CCDC63: variants seen among roughly 807,000 people sequenced by gnomAD.
CCDC63 encodes coiled-coil domain-containing protein 63.
Under a neutral mutation model 63.6 loss-of-function variants are expected in CCDC63, and 54 were observed. That is an observed-to-expected ratio of 0.85 (90% CI 0.68 to 1.07). The LOEUF is 1.07. CCDC63 is among the 50% of genes least tolerant of loss of function. CCDC63 has a pLI of 0.00. For synonymous variants in CCDC63, 253 were observed against 266.1 expected, an observed-to-expected ratio of 0.95 and a Z score of 0.48; for missense variants, 637 against 689.6, an observed-to-expected ratio of 0.92 and a Z score of 0.86.
Position 110,849,437 on chromosome 12 carries a change from A to G in CCDC63, c.-97+2332A>G, listed in dbSNP as rs1288044197. On this transcript the variant is annotated intron_variant, in intron 1 of 11. Transcript: ENST00000308208. ...GAGGGTTGCCACTGAACCATCATGC[A>G]TGCCTTCACAATAATTTCTAAAAGC... is the stretch of plus-strand genomic sequence containing the variant. 2.6e-5 allele frequency among the ~76,000 whole-genome samples: 4 copies of G among 151,130 alleles called. No individual in the cohort carries two copies. In the East Asian group the frequency reaches 5.8e-4, roughly 22 times the overall value.
intron 4 of CCDC63, among the ~76,000 whole-genome samples, chr12:110,862,219 G>A (rs1006318488): frequency 2.0e-5 from 3 of 152,218 alleles, no homozygotes; most frequent in African/African-American, 4.8e-5. Flanking sequence ...GCAACACAGC[G>A]TGGGGTCCTC....
intron 10 of CCDC63, 83 bp from the exon 11 acceptor site, chr12:110,904,505 C>T (rs942520934): frequency 8.4e-7 from 1 of 1,193,010 alleles, no homozygotes; most frequent in Admixed American, 1.7e-5. Flanking sequence ...TCCTCCCCGC[C>T]CTCTGCAGTG....
upstream of CCDC63, chr12:110,846,739 A>G (rs1315978575): frequency 6.6e-6 from 1 of 152,088 alleles, no homozygotes; most frequent in Non-Finnish European, 1.5e-5. Context: ...AGGGGCTAAG[A>G]CTGTTGATTG....
chr12:110,874,086 A>C, intron 5 of CCDC63, 125 bp downstream of exon 5: 10 of 1,252,852 alleles, frequency 8.0e-6, no homozygotes, highest in Non-Finnish European at 1.1e-5. Flanking sequence ...GAGCAGGTGA[A>C]CTAATGGCCA....
intron 10 of CCDC63, among the ~76,000 whole-genome samples, chr12:110,903,008 A>C (rs771098048): frequency 1.6e-4 from 25 of 151,930 alleles, no homozygotes; most frequent in Admixed American, 5.9e-4. Context: ...TCAGCCTCGC[A>C]TGTAGCTGGG....
rs559775721 is a variant in CCDC63, at chr12:110,885,691, G to A, written c.1074+1441G>A. Among the ~76,000 whole-genome samples, 13 of 152,074 alleles carry A rather than the reference G, an allele frequency of 8.5e-5. No individual in the cohort carries two copies. The South Asian group carries it at 1.0e-3, about 12-fold the overall frequency. On this transcript the variant is annotated intron_variant, in intron 8 of 11. Coordinates refer to ENST00000308208, the MANE Select transcript of CCDC63 (RefSeq NM_152591.3). ...TTAGTCCTGACCCTGCACAAATGTC[G>A]CCTCCTCTGGGAATTCATTAGTCCT...
rs1051355785 is a variant in CCDC63, at chr12:110,904,763, T to C, written c.1518T>C (p.Ala506=). The change falls in exon 11 of 12, where the codon GCT becomes GCC. Residue 506 remains alanine (A), a synonymous_variant. Coordinates refer to ENST00000308208, the MANE Select transcript of CCDC63 (RefSeq NM_152591.3). ...PIKVIPPVLG[A]DPFSDRLDDV... ...AAGTCATCCCCCCAGTGCTGGGGGC[T>C]GACCCCTTCAGCGACAGGTTGGATG... The C allele has an allele frequency of 5.0e-6, 8 of 1,611,794 alleles. No homozygotes were observed. The highest frequency in any genetic ancestry group is 1.6e-4 in the Middle Eastern group (1 of 6,062).
intron 10 of CCDC63, among the ~76,000 whole-genome samples, chr12:110,900,723 C>A (rs1028904229): frequency 3.3e-5 from 5 of 152,236 alleles, no homozygotes; most frequent in Non-Finnish European, 5.9e-5. Context: ...CCTCAGCCCC[C>A]CAAGTAGCTG....
chr12:110,855,245 G>A (rs556885955), intron 3 of CCDC63, among the ~76,000 whole-genome samples: 2 of 152,272 alleles, frequency 1.3e-5, no homozygotes, highest in South Asian at 4.1e-4. Context: ...TAGAGATTTT[G>A]TTAGAACAAG....
chr12:110,855,617 T>C (rs2070760580), intron 3 of CCDC63, among the ~76,000 whole-genome samples: 1 of 152,102 alleles, frequency 6.6e-6, no homozygotes. Flanking sequence ...GTTTCGCTCT[T>C]GTTGCCCAGG....
intron 1 of CCDC63, among the ~76,000 whole-genome samples, chr12:110,850,600 G>T (rs1416080190): frequency 6.6e-6 from 1 of 152,172 alleles, no homozygotes; most frequent in African/African-American, 2.4e-5. Context: ...AATTAGCCGG[G>T]CATGGTGGTG....
chr12:110,882,639 C>T (rs1410082641), intron 7 of CCDC63, among the ~76,000 whole-genome samples: 3 of 151,584 alleles, frequency 2.0e-5, no homozygotes, highest in East Asian at 1.9e-4. Context: ...GGGGGCTGGT[C>T]GTGTAGACAC....
intron 8 of CCDC63, among the ~76,000 whole-genome samples, chr12:110,885,049 C>A (rs978625680): frequency 5.3e-5 from 8 of 151,890 alleles, no homozygotes; most frequent in Non-Finnish European, 8.8e-5. Context: ...TCATGTCCCC[C>A]AACCCAATAG....
intron 7 of CCDC63, among the ~76,000 whole-genome samples, chr12:110,883,083 G>C (rs1022011235): frequency 6.6e-6 from 1 of 150,688 alleles, no homozygotes; most frequent in African/African-American, 2.4e-5. Context: ...TGTCACCCAG[G>C]CTGGAGTGCA....
rs148707505 is a variant in CCDC63, at chr12:110,870,122, G to A, written c.370-3720G>A. On this transcript the variant is annotated intron_variant, in intron 4 of 11. Coordinates refer to ENST00000308208, the MANE Select transcript of CCDC63 (RefSeq NM_152591.3). ...TTTGAGATGGAGTTTTGCTCTTGTC[G>A]CCCAGGCTGGAGTGCAATGGCATGA... 5.9e-3 allele frequency among the ~76,000 whole-genome samples: 897 copies of A among 152,130 alleles called. 7 individuals carry two copies. The highest frequency in any genetic ancestry group is 5.9e-3 in the Non-Finnish European group (404 of 68,008).
intron 10 of CCDC63, among the ~76,000 whole-genome samples, chr12:110,902,858 C>T (rs564655989): frequency 6.6e-6 from 1 of 151,166 alleles, no homozygotes; most frequent in East Asian, 1.9e-4. Flanking sequence ...GCTGGGATTA[C>T]AGGTGCCCGA....
In CCDC63 at chr12:110,885,190, A is replaced by AG. The variant is rs546658316; in HGVS notation, c.1074+940_1074+941insG. ...AAGGATTGTAAGAAGAAAAAAAAAA[A>AG]AGAGAGAGAGAGAAATATGCAAGAG... is the stretch of plus-strand genomic sequence containing the variant. On this transcript the variant is annotated intron_variant, in intron 8 of 11. Coordinates refer to ENST00000308208, the MANE Select transcript of CCDC63 (RefSeq NM_152591.3). 4.1e-4 allele frequency among the ~76,000 whole-genome samples: 62 copies of AG among 150,548 alleles called. No homozygotes were observed. The East Asian group carries it at 0.011, about 26-fold the overall frequency.
Position 110,853,553 on chromosome 12 carries a change from A to G in CCDC63, c.158A>G (p.Gln53Arg). The G allele has an allele frequency of 6.2e-7, 1 of 1,614,212 alleles. No homozygotes were observed. The highest frequency in any genetic ancestry group is 8.5e-7 in the Non-Finnish European group (1 of 1,180,040). Residue 53 changes from glutamine (Q) to arginine (R), a missense_variant, in exon 3 of 12, where the codon CAG becomes CGG. Physicochemically the swap from Gln to Arg is conservative, Grantham distance 43. Transcript: ENST00000308208. ...CGGAAGTCTTTTAAGTTCCGAAACC[A>G]GCAGAAGATTGCGAGTCAGTAGTAA... ...ESRKSFKFRN[Q>R]QKIASQYKEI... is the part of the protein sequence containing the mutation.
chr12:110,867,422 G>A (rs1162616147), intron 4 of CCDC63, among the ~76,000 whole-genome samples: 5 of 118,648 alleles, frequency 4.2e-5, no homozygotes, highest in East Asian at 2.8e-4. Flanking sequence ...TCTCCCTCCC[G>A]GACGGGGTGG....
Sources: gnomAD v4.1 joint callset for allele counts (sites outside exome capture counted in the v4.1 genomes callset) on GRCh38, gnomAD v4.1.1 for gene constraint, MANE v1.5 for transcripts, NCBI Gene and HGNC (gene_info 2026-07-23, HGNC 2026-07-21) for gene names.